CSPP1: variants seen among roughly 807,000 people sequenced by gnomAD.
CSPP1 encodes the protein centrosome and spindle pole associated protein 1.
CSPP1 carries 126 observed loss-of-function variants against 164.4 expected under a neutral mutation model. The ratio of observed to expected loss-of-function variants is 0.77; its 90% CI spans 0.66 to 0.89. The LOEUF (loss-of-function observed/expected upper bound fraction) is 0.89, where lower values mean the gene tolerates loss of function less well. CSPP1 is among the 40% of genes least tolerant of loss of function. The probability of loss-of-function intolerance (pLI) is 0.00; values close to 1 mark genes in which losing one functional copy is unlikely to be tolerated. For synonymous variants in CSPP1, 472 were observed against 476.7 expected (o/e 0.99, Z 0.13); for missense variants, 1,395 against 1,449.8 (o/e 0.96, Z 0.61).
chr8:67,172,696 T>G (rs1214930092), intron 25 of CSPP1, 141 bp downstream of exon 25: 1 of 732,400 alleles, frequency 1.4e-6, no homozygotes, highest in African/African-American at 1.8e-5. Context: ...ATGAAACTTA[T>G]GTATTCTCTA....
At chr8:67,103,728 TACTCGGGAGGCTG>T (rs1183865286) in intron 8 of CSPP1, among the ~76,000 whole-genome samples, 1 of 151,164 alleles carries the variant, frequency 6.6e-6, no homozygotes, top group Non-Finnish European at 1.5e-5. Context: ...TAATCCCAGC[TACTCGGGAGGCTG>T]AGGCAGGAGA....
At chr8:67,177,826 TATTGA>T in intron 27 of CSPP1, 100 bp downstream of exon 27, 1 of 854,592 alleles carries the variant, frequency 1.2e-6, no homozygotes, top group Admixed American at 1.8e-5. Context: ...TATTCAGGAA[TATTGA>T]ATTAAGAACG....
intron 1 of CSPP1, among the ~76,000 whole-genome samples, chr8:67,072,975 T>C (rs931162658): frequency 2.0e-5 from 3 of 151,230 alleles, no homozygotes; most frequent in Non-Finnish European, 4.4e-5. Flanking sequence ...AAAAAATAGA[T>C]GAAAAGATGC....
intron 25 of CSPP1, chr8:67,175,057 G>A (rs993012439): frequency 9.1e-6 from 4 of 440,152 alleles, no homozygotes; most frequent in African/African-American, 8.0e-5. Flanking sequence ...TCCACTGCTT[G>A]TTCTGGGGTA....
At chr8:67,116,201 G>C in intron 13 of CSPP1, 79 bp downstream of exon 13, 1 of 983,002 alleles carries the variant, frequency 1.0e-6, no homozygotes. Flanking sequence ...ATACTGAAGC[G>C]GATGACGTTA....
At chr8:67,144,462 CAG>C (rs1319300575) in intron 17 of CSPP1, among the ~76,000 whole-genome samples, 5 of 152,056 alleles carry the variant, frequency 3.3e-5, no homozygotes, top group Non-Finnish European at 7.4e-5. Context: ...TTTTTTGAGA[CAG>C]AGTCTTGCTC....
chr8:67,133,463 G>A (rs1821646952), intron 16 of CSPP1: 2 of 152,104 alleles, frequency 1.3e-5, no homozygotes. Context: ...ACTATACTGT[G>A]GTCTATTAAG....
At chr8:67,102,288 T>A (rs1450356953) in intron 7 of CSPP1, among the ~76,000 whole-genome samples, 2 of 152,196 alleles carry the variant, frequency 1.3e-5, no homozygotes, top group Non-Finnish European at 2.9e-5. Flanking sequence ...ACTGCTGCTG[T>A]ATTTTTAAGT....
chr8:67,119,184 G>GCTAAAATAT, intron 15 of CSPP1, among the ~76,000 whole-genome samples: 1 of 152,166 alleles, frequency 6.6e-6, no homozygotes, highest in South Asian at 2.1e-4. Context: ...AGGTTCATCC[G>GCTAAAATAT]TCTTTTAGCA....
intron 4 of CSPP1, among the ~76,000 whole-genome samples, chr8:67,088,668 G>A (rs983824719): frequency 1.2e-4 from 18 of 151,180 alleles, no homozygotes; most frequent in African/African-American, 4.4e-4. Flanking sequence ...AGGCAGAGGC[G>A]GGCAGATCAC....
chr8:67,138,343 TAA>T (rs1822784078), intron 17 of CSPP1, among the ~76,000 whole-genome samples: 1 of 152,234 alleles, frequency 6.6e-6, no homozygotes, highest in South Asian at 2.1e-4. Flanking sequence ...CTGTATACTT[TAA>T]GTCATCTCTA....
chr8:67,115,511 T>G (rs1024257798), intron 12 of CSPP1, among the ~76,000 whole-genome samples: 1 of 151,960 alleles, frequency 6.6e-6, no homozygotes, highest in African/African-American at 2.4e-5. Context: ...GAAACCCCCT[T>G]CTCTACAAAA....
At chr8:67,091,705 T>G (rs1381053740) in intron 4 of CSPP1, 98 bp from the exon 5 acceptor site, 2 of 363,042 alleles carry the variant, frequency 5.5e-6, no homozygotes, top group South Asian at 2.3e-5. Flanking sequence ...CTGCATAATA[T>G]AATACTAGTT....
intron 1 of CSPP1, among the ~76,000 whole-genome samples, chr8:67,066,084 C>G (rs1001925210): frequency 2.6e-5 from 4 of 152,130 alleles, no homozygotes; most frequent in Admixed American, 1.3e-4. Context: ...AACCCAAAGG[C>G]TAATTTATGC....
At chr8:67,106,956 C>T (rs1002245953) in intron 9 of CSPP1, among the ~76,000 whole-genome samples, 29 of 151,784 alleles carry the variant, frequency 1.9e-4, no homozygotes, top group Non-Finnish European at 3.1e-4. Flanking sequence ...TGAAAATTGA[C>T]CAGTTTAATC....
intron 30 of CSPP1, among the ~76,000 whole-genome samples, chr8:67,195,019 A>G (rs1837579897): frequency 6.6e-6 from 1 of 152,234 alleles, no homozygotes; most frequent in Admixed American, 6.5e-5. Flanking sequence ...ATGTGTAGCC[A>G]TTAGGCTTCT....
intron 29 of CSPP1, 28 bp from the exon 30 acceptor site, chr8:67,193,435 CT>C: frequency 6.3e-7 from 1 of 1,598,808 alleles, no homozygotes. Flanking sequence ...GTGTTAATGA[CT>C]TTCTGAAGTT....
At chr8:67,154,285 CAA>C in intron 19 of CSPP1, 149 bp downstream of exon 19, 1 of 510,750 alleles carries the variant, frequency 2.0e-6, no homozygotes, top group East Asian at 3.1e-5. Flanking sequence ...ATCAGTAGTA[CAA>C]AAGTTATTTC....
intron 19 of CSPP1, among the ~76,000 whole-genome samples, chr8:67,156,265 G>T (rs1209396775): frequency 6.6e-6 from 1 of 152,158 alleles, no homozygotes; most frequent in Non-Finnish European, 1.5e-5. Flanking sequence ...CTTGCCCAGG[G>T]TGTCACAGCT....
Sources: allele counts gnomAD v4.1 joint callset (sites outside exome capture counted in the v4.1 genomes callset), GRCh38; gene constraint gnomAD v4.1.1; transcripts MANE v1.5; gene names NCBI Gene and HGNC (gene_info 2026-07-23, HGNC 2026-07-21).